AGBL1: variants seen among roughly 807,000 people sequenced by gnomAD.
AGBL1 encodes AGBL carboxypeptidase 1, also known as cytosolic carboxypeptidase 4.
In AGBL1, 130 loss-of-function variants were observed where a neutral mutation model predicts 118.9. The observed-to-expected ratio is 1.09, with a 90% CI of 0.95 to 1.26. The LOEUF (loss-of-function observed/expected upper bound fraction) is 1.26, where lower values mean the gene tolerates loss of function less well. Among genes scored for constraint, AGBL1 ranks in the 50% most tolerant of loss-of-function variants. The pLI, the probability that AGBL1 is intolerant of heterozygous loss-of-function variation, is 0.00. For missense variants in AGBL1, 1,584 were observed against 1,298.1 expected (o/e 1.22, Z -3.38); for synonymous variants, 555 against 478.9 (o/e 1.16, Z -2.08).
Position 86,143,849 on chromosome 15 carries a change from C to T in AGBL1, c.262+4C>T, listed in dbSNP as rs779344117. On this transcript the variant is annotated splice_donor_region_variant and intron_variant, in intron 3 of 22. Coordinates refer to ENST00000614907, the MANE Select transcript of AGBL1 (RefSeq NM_001386094.1). ...CTGGCCAAAGTTGGCCTAAGAGGTA[C>T]TCGTACTCCAAGACCTAAAGCTGAC... is the stretch of plus-strand genomic sequence containing the variant. 6.9e-5 allele frequency: 112 copies of T among 1,613,268 alleles called. No homozygotes were observed. The highest frequency in any genetic ancestry group is 8.1e-5 in the Non-Finnish European group (96 of 1,179,554).
chr15:87,018,053 T>TAAC (rs1355742605), intron 24 of AGBL1, among the ~76,000 whole-genome samples: 3 of 151,280 alleles, frequency 2.0e-5, no homozygotes, highest in Non-Finnish European at 3.0e-5. Context: ...CTTTCTAAAA[T>TAAC]AGGCAGATAA....
In AGBL1 at chr15:86,343,366, G is replaced by A. The variant is rs531430532; in HGVS notation, c.2374+47958G>A. On this transcript the variant is annotated intron_variant, in intron 17 of 22. Coordinates refer to ENST00000614907, the MANE Select transcript of AGBL1 (RefSeq NM_001386094.1). ...GTGGGGTCCCCTGCATCCCATTGTC[G>A]TTTCTAAGTACCTGTAATGGCTCCC... Among the ~76,000 whole-genome samples, 90 of 152,094 alleles carry A rather than the reference G, an allele frequency of 5.9e-4. No individual in the cohort carries two copies. The South Asian group carries it at 0.016, about 27-fold the overall frequency.
intron 15 of AGBL1, among the ~76,000 whole-genome samples, chr15:86,274,708 G>A (rs1405101222): frequency 6.6e-6 from 1 of 152,120 alleles, no homozygotes; most frequent in Non-Finnish European, 1.5e-5. Flanking sequence ...CGACAGTGAT[G>A]AGTGGATAAG....
intron 22 of AGBL1, among the ~76,000 whole-genome samples, chr15:86,726,027 A>G (rs776514903): frequency 1.6e-4 from 24 of 152,228 alleles, no homozygotes; most frequent in Admixed American, 6.5e-5. Flanking sequence ...TCACCAATGA[A>G]GCCAATGAAC....
intron 21 of AGBL1, among the ~76,000 whole-genome samples, chr15:86,649,521 T>C (rs1357841320): frequency 6.6e-6 from 1 of 152,166 alleles, no homozygotes; most frequent in African/African-American, 2.4e-5. Flanking sequence ...TTTCCCTACC[T>C]ATATTCAGTT....
chr15:87,019,962 A>G (rs2081646088), intron 24 of AGBL1, among the ~76,000 whole-genome samples: 1 of 152,144 alleles, frequency 6.6e-6, no homozygotes, highest in Non-Finnish European at 1.5e-5. Flanking sequence ...ATAAACAACC[A>G]TCACAGAATA....
At chr15:86,501,899 A>AGC (rs1462647641) in intron 18 of AGBL1, among the ~76,000 whole-genome samples, 1 of 151,460 alleles carries the variant, frequency 6.6e-6, no homozygotes, top group Non-Finnish European at 1.5e-5. Flanking sequence ...ATTCTTTTTC[A>AGC]ATACTGCTTT....
intron 16 of AGBL1, among the ~76,000 whole-genome samples, chr15:86,291,334 T>C (rs890744234): frequency 6.6e-6 from 1 of 151,892 alleles, no homozygotes; most frequent in Non-Finnish European, 1.5e-5. Context: ...GATTTTTTTG[T>C]ATACATATAT....
At chr15:86,523,750 A>G (rs2083222084) in intron 19 of AGBL1, among the ~76,000 whole-genome samples, 1 of 152,198 alleles carries the variant, frequency 6.6e-6, no homozygotes, top group South Asian at 2.1e-4. Flanking sequence ...GGATTTTTAT[A>G]TCTAGGCTGT....
intron 18 of AGBL1, among the ~76,000 whole-genome samples, chr15:86,464,116 T>C (rs2082366690): frequency 6.6e-6 from 1 of 152,220 alleles, no homozygotes; most frequent in Non-Finnish European, 1.5e-5. Context: ...TTTTATTTCC[T>C]TGAGCAGTGA....
chr15:86,798,074 A>G (rs1412673353), intron 22 of AGBL1, among the ~76,000 whole-genome samples: 3 of 152,196 alleles, frequency 2.0e-5, no homozygotes, highest in African/African-American at 4.8e-5. Context: ...AGATGTTGCA[A>G]TTGAAATCCT....
At chr15:86,305,359 A>G (rs561781159) in intron 17 of AGBL1, among the ~76,000 whole-genome samples, 4 of 152,340 alleles carry the variant, frequency 2.6e-5, no homozygotes, top group African/African-American at 9.6e-5. Flanking sequence ...TAGTGATTCC[A>G]TCTGAGGAAG....
At chr15:86,649,147 A>G (rs1479872609) in intron 21 of AGBL1, among the ~76,000 whole-genome samples, 2 of 152,196 alleles carry the variant, frequency 1.3e-5, no homozygotes, top group African/African-American at 2.4e-5. Context: ...ATAGGATCTG[A>G]TGCATACCTG....
chr15:86,093,438 A>C (rs1496871), intron 1 of AGBL1, among the ~76,000 whole-genome samples: 1,936 of 152,302 alleles, frequency 0.013, 14 homozygotes, highest in East Asian at 0.024. Context: ...ACATGATGGA[A>C]TTAGATCCAC....
chr15:86,939,198 C>G (rs2141650269), intron 23 of AGBL1: 1 of 152,506 alleles, frequency 6.6e-6, no homozygotes, highest in East Asian at 1.9e-4. Context: ...ACATTTGAGT[C>G]AATGGACTGG....
At chr15:86,782,186 C>T (rs2078345629) in intron 22 of AGBL1, among the ~76,000 whole-genome samples, 1 of 151,982 alleles carries the variant, frequency 6.6e-6, no homozygotes, top group East Asian at 1.9e-4. Context: ...ATAATTAGAG[C>T]CTTAACTCTC....
At chr15:86,560,344 G>C (rs147990973) in intron 21 of AGBL1, among the ~76,000 whole-genome samples, 663 of 139,976 alleles carry the variant, frequency 4.7e-3, no homozygotes, top group Non-Finnish European at 6.9e-3. Flanking sequence ...CTGTGTCCAA[G>C]TGTTCTCATT....
intron 18 of AGBL1, among the ~76,000 whole-genome samples, chr15:86,438,171 G>T (rs2082021344): frequency 6.6e-6 from 1 of 152,078 alleles, no homozygotes. Flanking sequence ...CTCCCAAAGT[G>T]CTGGGACAAC....
At chr15:86,633,861 TAA>T (rs2085029474) in intron 21 of AGBL1, among the ~76,000 whole-genome samples, 1 of 27,056 alleles carries the variant, frequency 3.7e-5, no homozygotes, top group Non-Finnish European at 6.0e-5. Flanking sequence ...TATATATATA[TAA>T]TGTATATATA....
Sources: gnomAD v4.1 joint callset for allele counts (sites outside exome capture counted in the v4.1 genomes callset) on GRCh38, gnomAD v4.1.1 for gene constraint, MANE v1.5 for transcripts, NCBI Gene and HGNC (gene_info 2026-07-23, HGNC 2026-07-21) for gene names.